Variants in DNM1 observed in about 807,000 individuals in gnomAD.
The protein encoded by DNM1 is dynamin 1.
Under a neutral mutation model 104.6 loss-of-function variants are expected in DNM1, and 29 were observed. The ratio of observed to expected loss-of-function variants is 0.28; its 90% CI spans 0.21 to 0.38. The LOEUF (loss-of-function observed/expected upper bound fraction) is 0.38, where lower values mean the gene tolerates loss of function less well. DNM1 is among the 10% of genes least tolerant of loss of function. The pLI, the probability that DNM1 is intolerant of heterozygous loss-of-function variation, is 1.00. For missense variants in DNM1, 640 were observed against 1,189.4 expected (o/e 0.54, Z 6.79); for synonymous variants, 445 against 475.8 (o/e 0.94, Z 0.84).
At chr9:128,233,472 C>G (rs3003579) in intron 10 of DNM1, 67,901 of 154,444 alleles carry the variant, frequency 0.44, 17,999 homozygotes, top group Admixed American at 0.61. Context: ...GAACCCCCTC[C>G]CCAGCTCTGA....
intron 1 of DNM1, among the ~76,000 whole-genome samples, chr9:128,217,972 C>T (rs1588347956): frequency 6.6e-6 from 1 of 152,194 alleles, no homozygotes; most frequent in African/African-American, 2.4e-5. Context: ...AAAACCAACA[C>T]AGGACGTATC....
intron 13 of DNM1, 37 bp from the exon 14 acceptor site, chr9:128,239,948 G>C (rs200482361): frequency 6.2e-7 from 1 of 1,613,634 alleles, no homozygotes; most frequent in Non-Finnish European, 8.5e-7. Context: ...CTCTCTCCCC[G>C]ATGCCTCTCG....
rs1564352612 is a variant in DNM1 at position 128,248,193 on chromosome 9, G to C, written c.1905+258G>C. 1.8e-6 allele frequency: 1 copy of C among 545,778 alleles called. No homozygotes were observed. The highest frequency in any genetic ancestry group is 3.3e-6 in the Non-Finnish European group (1 of 303,694). 33.8% of individuals were successfully genotyped at this position (545,778 alleles called of 1,614,324 possible). ...AATACAAAAATTAGCCAGGCATGGT[G>C]GTGCGCGCCTGTAATCCCAGCTACT... On this transcript the variant is annotated intron_variant, in intron 18 of 21. Transcript: ENST00000372923. The surrounding 1 kb of genome is among the most constrained non-coding windows in gnomAD (Gnocchi z 5.6).
At position 128,220,742 on chromosome 9, in the gene DNM1, C is replaced by CGCGCGCGCGTGTGTGTGTGTGTGTGT. The variant is rs61020870; in HGVS notation, c.849+402_849+403insCGCGCGCGTGTGTGTGTGTGTGTGTG. ...CAGAACTGAAGTGCGCGCGCGCGCG[C>CGCGCGCGCGTGTGTGTGTGTGTGTGT]GTGTGTGTGTGTGTGTGTGTGTGTG... On this transcript the variant is annotated intron_variant, in intron 6 of 21. Transcript: ENST00000372923. This position sits in a 1 kb window ranked among gnomAD's most constrained non-coding sequence, Gnocchi z 5.2. Among the ~76,000 whole-genome samples the CGCGCGCGCGTGTGTGTGTGTGTGTGT allele has an allele frequency of 6.6e-5, 9 of 136,278 alleles. No individual in the cohort carries two copies. Among genetic ancestry groups the CGCGCGCGCGTGTGTGTGTGTGTGTGT allele is most frequent in the African/African-American group, 2.4e-4 (9 of 37,720 alleles). 89.4% of individuals were successfully genotyped at this position (136,278 alleles called of 152,430 possible).
At chr9:128,211,802 T>C (rs1834318813) in intron 1 of DNM1, among the ~76,000 whole-genome samples, 1 of 152,120 alleles carries the variant, frequency 6.6e-6, no homozygotes, top group Admixed American at 6.6e-5. Flanking sequence ...CCTCCCTGTG[T>C]GGGGTGGGGC....
chr9:128,250,358 T>TA lies in DNM1; in HGVS notation c.2318+3dup. 1 of 1,573,990 alleles carries TA rather than the reference T, an allele frequency of 6.4e-7. No homozygotes were observed. Among genetic ancestry groups the TA allele is most frequent in the African/African-American group, 1.3e-5 (1 of 74,178 alleles). ...GCAGAGCGTACCGGCCGGACGCAGG[T>TA]ACCAGGGCCGGCCCCCACGGCCCCA... On this transcript the variant is annotated splice_region_variant and intron_variant, in intron 20 of 21. Coordinates refer to ENST00000372923, the MANE Select transcript of DNM1 (RefSeq NM_004408.4).
Position 128,250,154 on chromosome 9 carries a change from T to C in DNM1, c.2116T>C (p.Tyr706His). 6.2e-7 allele frequency: 1 copy of C among 1,614,138 alleles called. No homozygotes were observed. Among genetic ancestry groups the C allele is most frequent in the Non-Finnish European group, 8.5e-7 (1 of 1,180,018 alleles). ...CTTCTCGGAGCTGCTGGCCAACCTG[T>C]ACTCGTGTGGGGACCAGAACACGCT... is the stretch of plus-strand genomic sequence containing the variant. ...FIFSELLANL[Y>H]SCGDQNTLME... The change falls in exon 20 of 22, where the codon TAC (tyrosine) becomes CAC (histidine). Residue 706 changes from tyrosine (Y) to histidine (H), a missense_variant. Physicochemically the swap from Tyr to His is moderately conservative, Grantham distance 83. Coordinates refer to ENST00000372923, the MANE Select transcript of DNM1 (RefSeq NM_004408.4).
rs1829721947 is a variant in DNM1, at chr9:128,254,409, G to C, written c.2535-245G>C. On this transcript the variant is annotated intron_variant, in intron 21 of 21. Coordinates refer to ENST00000372923, the MANE Select transcript of DNM1 (RefSeq NM_004408.4). This position sits in a 1 kb window ranked among gnomAD's most constrained non-coding sequence, Gnocchi z 6.1. ...GTGAGAGGCCAGCGTGTGTGGGGTGGGGAGGGCCGCCACAGCCCCCAGGCG... is the reference window on the plus strand; with the variant it reads ...GTGAGAGGCCAGCGTGTGTGGGGTGCGGAGGGCCGCCACAGCCCCCAGGCG... The C allele has an allele frequency of 7.0e-7, 1 of 1,428,248 alleles. No homozygotes were observed. Among genetic ancestry groups the C allele is most frequent in the African/African-American group, 1.4e-5 (1 of 68,980 alleles). The allele number at this position is 1,428,248 out of a possible 1,614,324, so 88.5% of individuals were successfully genotyped here. A position where few individuals can be genotyped will look rare whatever the true frequency, so the allele number is the denominator to read the frequency against.
chr9:128,250,383 A>G, intron 20 of DNM1, 27 bp downstream of exon 20: 1 of 1,545,368 alleles, frequency 6.5e-7, no homozygotes, highest in Non-Finnish European at 8.7e-7. Context: ...CCACGGCCCC[A>G]AAGCCCCCCA....
intron 1 of DNM1, among the ~76,000 whole-genome samples, chr9:128,212,026 G>A (rs1486154219): frequency 1.3e-5 from 2 of 152,330 alleles, no homozygotes; most frequent in Non-Finnish European, 2.9e-5. Flanking sequence ...AAATCTCAGC[G>A]GGTGAATGCA....
chr9:128,208,012 C>A lies in DNM1; in HGVS notation c.161+4381C>A, dbSNP rs562988513. 3.3e-5 allele frequency among the ~76,000 whole-genome samples: 5 copies of A among 150,860 alleles called. No homozygotes were observed. The South Asian group carries it at 1.0e-3, about 32-fold the overall frequency. On this transcript the variant is annotated intron_variant, in intron 1 of 21. Coordinates refer to ENST00000372923, the MANE Select transcript of DNM1 (RefSeq NM_004408.4). ...TGCCTACCCCCCACCCCCAGGCTTT[C>A]TGTCTCCCCCAATGCCCTTGTCCCT...
chr9:128,225,755 G>C (rs926514161), intron 10 of DNM1, among the ~76,000 whole-genome samples: 2 of 152,066 alleles, frequency 1.3e-5, no homozygotes, highest in African/African-American at 2.4e-5. Context: ...CGGAGCAGGG[G>C]CTTGGTCCCT....
Position 128,253,168 on chromosome 9 carries a change from A to G in DNM1, c.2535-1486A>G, listed in dbSNP as rs1430940350. On this transcript the variant is annotated intron_variant, in intron 21 of 21. Transcript: ENST00000372923. The surrounding 1 kb of genome is among the most constrained non-coding windows in gnomAD (Gnocchi z 5.9). ...TACATGCCTCACCGCCTGCTGCATG[A>G]ACGGTGTGTCTGCCCCGCTGCACTA... 1 of 1,598,176 alleles carries G rather than the reference A, an allele frequency of 6.3e-7. No homozygotes were observed. The highest frequency in any genetic ancestry group is 2.2e-5 in the East Asian group (1 of 44,844).
chr9:128,213,283 T>A (rs994917049), intron 1 of DNM1, among the ~76,000 whole-genome samples: 3 of 152,300 alleles, frequency 2.0e-5, no homozygotes, highest in Non-Finnish European at 4.4e-5. Flanking sequence ...GGTTTCACCA[T>A]GTTGGCCAGG....
intron 1 of DNM1, among the ~76,000 whole-genome samples, chr9:128,215,578 G>A (rs1043501394): frequency 2.6e-5 from 4 of 152,196 alleles, no homozygotes; most frequent in Admixed American, 1.3e-4. Context: ...AGTAGCCCTG[G>A]GGAGGCAGCA....
rs1479840452 is a variant in DNM1, at chr9:128,253,790, G to A, written c.2535-864G>A. The A allele has an allele frequency of 2.3e-5, 12 of 512,180 alleles. No homozygotes were observed. Among genetic ancestry groups the A allele is most frequent in the Non-Finnish European group, 3.3e-5 (11 of 337,426 alleles). The allele number at this position is 512,180 out of a possible 1,614,324, so 31.7% of individuals were successfully genotyped here. ...CCCCCTTCCCTCCCTCCCAGGTACC[G>A]TCATAGCTGCTAGTGTGACTGAAGG... On this transcript the variant is annotated intron_variant, in intron 21 of 21. Coordinates refer to ENST00000372923, the MANE Select transcript of DNM1 (RefSeq NM_004408.4). This position sits in a 1 kb window ranked among gnomAD's most constrained non-coding sequence, Gnocchi z 5.9.
chr9:128,246,689 C>T (rs137921377), intron 16 of DNM1, among the ~76,000 whole-genome samples, 186 bp downstream of exon 16: 397 of 151,226 alleles, frequency 2.6e-3, no homozygotes, highest in Middle Eastern at 0.01. Context: ...CCATCCCCTC[C>T]CCTTCCCTTC....
chr9:128,226,631 C>T (rs1835358123), intron 10 of DNM1, among the ~76,000 whole-genome samples: 1 of 152,204 alleles, frequency 6.6e-6, no homozygotes, highest in Non-Finnish European at 1.5e-5. Flanking sequence ...GAGGTCAGGG[C>T]CTCCTGGGCA....
chr9:128,226,271 T>A, intron 10 of DNM1: 1 of 1,535,288 alleles, frequency 6.5e-7, no homozygotes, highest in South Asian at 1.2e-5. Context: ...GCCTCACGGC[T>A]ACCCGCAGGG....
Sources: gnomAD v4.1 joint callset for allele counts (sites outside exome capture counted in the v4.1 genomes callset) on GRCh38, gnomAD v4.1.1 for gene constraint, Gnocchi (gnomAD v3.1) non-coding constraint, MANE v1.5 for transcripts, NCBI Gene and HGNC (gene_info 2026-07-23, HGNC 2026-07-21) for gene names.